NOL7: variants seen among roughly 807,000 people sequenced by gnomAD.
NOL7 encodes nucleolar protein 7.
In NOL7, 36 loss-of-function variants were observed where a neutral mutation model predicts 38.4. That is an observed-to-expected ratio of 0.94 (90% CI 0.72 to 1.24). The LOEUF (loss-of-function observed/expected upper bound fraction) is 1.24, where lower values mean the gene tolerates loss of function less well. NOL7 is among the 50% of genes most tolerant of loss of function. The pLI is 0.00. For missense variants in NOL7, 350 were observed against 315.1 expected (o/e 1.11, Z -0.84); for synonymous variants, 142 against 126.5 (o/e 1.12, Z -0.82).
intron 3 of NOL7, 91 bp downstream of exon 3, chr6:13,616,612 G>A: frequency 1.1e-6 from 1 of 877,234 alleles, no homozygotes; most frequent in Non-Finnish European, 1.7e-6. Flanking sequence ...TATAACTGAA[G>A]GAATTGTAGA....
At chr6:13,627,702 C>T (rs1053158625) in intron 8 of NOL7, among the ~76,000 whole-genome samples, 8 of 151,386 alleles carry the variant, frequency 5.3e-5, no homozygotes, top group Middle Eastern at 3.5e-3. Context: ...TAATTTACCC[C>T]ACAACCATCT....
intron 8 of NOL7, among the ~76,000 whole-genome samples, chr6:13,628,136 T>C (rs983018790): frequency 6.6e-6 from 1 of 152,258 alleles, no homozygotes; most frequent in Non-Finnish European, 1.5e-5. Context: ...GTTGTTATCA[T>C]GTCTATCATC....
In NOL7 at chr6:13,615,725, C is replaced by T. The variant is rs143073366; in HGVS notation, c.280C>T (p.Leu94=). 6.2e-7 allele frequency: 1 copy of T among 1,614,240 alleles called. No homozygotes were observed. The highest frequency in any genetic ancestry group is 1.1e-5 in the South Asian group (1 of 91,088). Residue 94 remains leucine (L), a synonymous_variant, in exon 2 of 8, where the codon CTG becomes TTG. Coordinates refer to ENST00000451315, the MANE Select transcript of NOL7 (RefSeq NM_016167.5). The part of the protein sequence containing the change: ...RETVRRDKTL[L]KEKRKRREEL... ...CCTTCCTCCCAGGGATAAAACGCTC[C>T]TGAAGGAGAAGAGGAAGCGACGCGA...
At chr6:13,616,677 A>G (rs1346311406) in intron 3 of NOL7, among the ~76,000 whole-genome samples, 156 bp downstream of exon 3, 11 of 152,242 alleles carry the variant, frequency 7.2e-5, no homozygotes. Context: ...GACGGAGGTA[A>G]CGTTCTACTT....
chr6:13,622,647 C>T (rs187569492), downstream of NOL7, among the ~76,000 whole-genome samples: 47 of 148,824 alleles, frequency 3.2e-4, no homozygotes, highest in East Asian at 6.9e-3. Context: ...AAGACAGATG[C>T]CGCCTTGGAC....
At chr6:13,626,995 G>A (rs1346164679) in intron 8 of NOL7, among the ~76,000 whole-genome samples, 2 of 152,142 alleles carry the variant, frequency 1.3e-5, no homozygotes, top group Admixed American at 6.5e-5. Flanking sequence ...TGGAATACAC[G>A]TGCCTCTACG....
intron 2 of NOL7, 121 bp downstream of exon 2, chr6:13,615,893 T>A: frequency 2.9e-6 from 3 of 1,019,600 alleles, no homozygotes; most frequent in Non-Finnish European, 4.3e-6. Flanking sequence ...AGATTGCCTC[T>A]GACAGTGGTG....
intron 5 of NOL7, among the ~76,000 whole-genome samples, chr6:13,619,588 A>G (rs560399121): frequency 6.6e-6 from 1 of 152,372 alleles, no homozygotes; most frequent in Admixed American, 6.5e-5. Flanking sequence ...CATGCTGTCA[A>G]TTCTCTTTTA....
At chr6:13,627,337 A>C (rs1297845856) in intron 8 of NOL7, among the ~76,000 whole-genome samples, 1 of 152,050 alleles carries the variant, frequency 6.6e-6, no homozygotes, top group Non-Finnish European at 1.5e-5. Context: ...CAAACACATT[A>C]TTTTGTTTTT....
chr6:13,616,111 T>G (rs560131315), intron 2 of NOL7, among the ~76,000 whole-genome samples: 92 of 152,322 alleles, frequency 6.0e-4, no homozygotes, highest in African/African-American at 2.1e-3. Context: ...AATGAGGTGA[T>G]TTGTAAACTG....
At chr6:13,618,973 C>CT (rs554539616) in intron 5 of NOL7, among the ~76,000 whole-genome samples, 2 of 152,074 alleles carry the variant, frequency 1.3e-5, no homozygotes, top group African/African-American at 2.4e-5. Flanking sequence ...AGTTCAAAAA[C>CT]TTTTTTTTAG....
chr6:13,618,642 C>T (rs1003075585), intron 5 of NOL7, among the ~76,000 whole-genome samples: 3 of 152,104 alleles, frequency 2.0e-5, no homozygotes, highest in Non-Finnish European at 2.9e-5. Context: ...GTAATCCCAG[C>T]GTTTTGGGAG....
Position 13,620,627 on chromosome 6 carries a change from G to A in NOL7, c.701-127G>A, listed in dbSNP as rs182689472. ...TACTTGTGAAAAACAGGTCAATGTA[G>A]TATGTATATACATCTAAAGTATAAT... is the stretch of plus-strand genomic sequence containing the variant. On this transcript the variant is annotated intron_variant, in intron 7 of 7. Coordinates refer to ENST00000451315, the MANE Select transcript of NOL7 (RefSeq NM_016167.5). The A allele has an allele frequency of 1.8e-3, 1,743 of 974,742 alleles. 22 individuals are homozygous for A. The African/African-American group carries it at 0.024, about 13-fold the overall frequency. 60.4% of individuals were successfully genotyped at this position (974,742 alleles called of 1,614,324 possible). A position where few individuals can be genotyped will look rare whatever the true frequency, so the allele number is the denominator to read the frequency against.
downstream of NOL7, among the ~76,000 whole-genome samples, chr6:13,624,708 G>A (rs1167637938): frequency 1.3e-5 from 2 of 152,148 alleles, no homozygotes; most frequent in Non-Finnish European, 2.9e-5. Context: ...GCAACCAAAC[G>A]AACATCGAAT....
At chr6:13,629,008 T>C (rs1239523648) in intron 8 of NOL7, among the ~76,000 whole-genome samples, 1 of 152,184 alleles carries the variant, frequency 6.6e-6, no homozygotes, top group Non-Finnish European at 1.5e-5. Flanking sequence ...CAAAGATACA[T>C]GTATAAAGAT....
chr6:13,615,371 C>A lies in NOL7; in HGVS notation c.13C>A (p.Arg5=), dbSNP rs1255455603. 40 of 1,510,300 alleles carry A rather than the reference C, an allele frequency of 2.6e-5. No individual in the cohort carries two copies. Among genetic ancestry groups the A allele is most frequent in the Admixed American group, 1.9e-4 (9 of 46,532 alleles). The allele number at this position is 1,510,300 out of a possible 1,614,324, so 93.6% of individuals were successfully genotyped here. The part of the protein sequence containing the change: MVQL[R]PRASRAPASA... ...CGCTGCGTGGGCCATGGTGCAGCTC[C>A]GACCGCGAGCGTCTCGCGCCCCGGC... The change falls in exon 1 of 8, where the codon CGA becomes AGA. Residue 5 remains arginine (R), a synonymous_variant. Coordinates refer to ENST00000451315, the MANE Select transcript of NOL7 (RefSeq NM_016167.5).
At chr6:13,631,682 A>C (rs748126136) in intron 8 of NOL7, among the ~76,000 whole-genome samples, 1 of 152,184 alleles carries the variant, frequency 6.6e-6, no homozygotes, top group Admixed American at 6.5e-5. Context: ...TTCAGAAGAA[A>C]ATGTTTACAA....
chr6:13,616,457 CAAAAG>C lies in NOL7; in HGVS notation c.332_336del. On this transcript the variant is annotated splice_acceptor_variant and splice_polypyrimidine_tract_variant and intron_variant, in intron 2 of 7. Coordinates refer to ENST00000451315, the MANE Select transcript of NOL7 (RefSeq NM_016167.5). LOFTEE classifies it high-confidence loss of function. The stretch of plus-strand genomic sequence containing the variant: ...CTATTAATTTTAAACGTTTTCATTC[CAAAAG>C]AAAAGAAAACTCCTTCCAGACACTA... 11 of 1,601,398 alleles carry C rather than the reference CAAAAG, an allele frequency of 6.9e-6. No individual in the cohort carries two copies. The highest frequency in any genetic ancestry group is 3.4e-5 in the South Asian group (3 of 89,246).
At chr6:13,615,828 C>T in intron 2 of NOL7, 56 bp downstream of exon 2, 1 of 1,524,064 alleles carries the variant, frequency 6.6e-7, no homozygotes, top group East Asian at 2.3e-5. Flanking sequence ...GGGAGAATTC[C>T]TATGGTGGAT....
Sources: gnomAD v4.1 joint callset for allele counts (sites outside exome capture counted in the v4.1 genomes callset) on GRCh38, gnomAD v4.1.1 for gene constraint, MANE v1.5 for transcripts, NCBI Gene and HGNC (gene_info 2026-07-23, HGNC 2026-07-21) for gene names.